The following SS18L1 variants were observed in gnomAD, a reference collection of about 807,000 sequenced individuals.
The protein encoded by SS18L1 is calcium-responsive transactivator.
Under a neutral mutation model 70.3 loss-of-function variants are expected in SS18L1, and 32 were observed. The observed-to-expected ratio is 0.46, with a 90% CI of 0.34 to 0.61. The LOEUF is 0.61. SS18L1 is among the 20% of genes least tolerant of loss of function. SS18L1 has a pLI of 0.01. For missense variants in SS18L1, 430 were observed against 542.1 expected, an observed-to-expected ratio of 0.79 and a Z score of 2.05; for synonymous variants, 237 against 229.7, an observed-to-expected ratio of 1.03 and a Z score of -0.29.
intron 3 of SS18L1, among the ~76,000 whole-genome samples, chr20:62,160,782 T>C (rs777973714): frequency 6.6e-6 from 1 of 152,104 alleles, no homozygotes; most frequent in Non-Finnish European, 1.5e-5. Context: ...CATTGACCTG[T>C]CAAATTGCAC....
chr20:62,154,509 CG>C (rs1441097669), intron 1 of SS18L1: 1 of 1,018,338 alleles, frequency 9.8e-7, no homozygotes. Context: ...GCCAGGCCAT[CG>C]GCCCCCCAGA....
rs1313861020 is a variant in SS18L1 at position 62,172,580 on chromosome 20, T to C, written c.917-102T>C. On this transcript the variant is annotated intron_variant, in intron 8 of 10. Transcript: ENST00000331758. ...AATAAACATGCCGAAGCAATGGATT[T>C]GGTTTTGGGATTCCAAAGTTACCGT... The C allele has an allele frequency of 3.2e-6, 5 of 1,554,002 alleles. No homozygotes were observed. The African/African-American group carries it at 5.4e-5, about 17-fold the overall frequency.
chr20:62,159,866 C>T lies in SS18L1; in HGVS notation c.147-11C>T, dbSNP rs1003206950. 3 of 1,611,664 alleles carry T rather than the reference C, an allele frequency of 1.9e-6. No individual in the cohort carries two copies. In the East Asian group the frequency reaches 6.7e-5, roughly 36 times the overall value. Reference sequence around the variant, plus strand: ...CGTCGTCCTGCCTCATGCGTGCCCCCTCTCCTGCAGGTACCAGCAGATCCT... The same window carrying T: ...CGTCGTCCTGCCTCATGCGTGCCCCTTCTCCTGCAGGTACCAGCAGATCCT... On this transcript the variant is annotated splice_polypyrimidine_tract_variant and intron_variant, in intron 2 of 10. Coordinates refer to ENST00000331758, the MANE Select transcript of SS18L1 (RefSeq NM_198935.3). The surrounding 1 kb of genome is among the most constrained non-coding windows in gnomAD (Gnocchi z 4.4).
At chr20:62,168,284 C>G (rs1185991087) in intron 8 of SS18L1, among the ~76,000 whole-genome samples, 1 of 152,146 alleles carries the variant, frequency 6.6e-6, no homozygotes, top group African/African-American at 2.4e-5. Flanking sequence ...TTGTTAGACT[C>G]TGACATGAGG....
At position 62,174,694 on chromosome 20, in the gene SS18L1, G is replaced by A. The variant is rs2057590415; in HGVS notation, c.1164+50G>A. The A allele has an allele frequency of 1.9e-6, 3 of 1,612,690 alleles. No homozygotes were observed. Among genetic ancestry groups the A allele is most frequent in the Non-Finnish European group, 2.5e-6 (3 of 1,179,904 alleles). ...TGTGCCCATCCGCCGCGCCTGTCGAGACATAATGAAGATTTCTCTTATGGC... is the reference window on the plus strand; with the variant it reads ...TGTGCCCATCCGCCGCGCCTGTCGAAACATAATGAAGATTTCTCTTATGGC... On this transcript the variant is annotated intron_variant, in intron 10 of 10. Transcript: ENST00000331758. This position sits in a 1 kb window ranked among gnomAD's most constrained non-coding sequence, Gnocchi z 4.1.
Position 62,165,509 on chromosome 20 carries a change from A to AG in SS18L1, c.916+1dup. 1 of 1,611,308 alleles carries AG rather than the reference A, an allele frequency of 6.2e-7. No homozygotes were observed. On this transcript the variant is annotated frameshift_variant, in exon 8 of 11. Coordinates refer to ENST00000331758, the MANE Select transcript of SS18L1 (RefSeq NM_198935.3). LOFTEE classifies it high-confidence loss of function. The stretch of plus-strand genomic sequence containing the variant: ...GAGGAGTCCACGCAGCACTACTATG[A>AG]GGGGGGTAAGGAGCACGGCTGCGTG...
chr20:62,168,424 T>C (rs909412074), intron 8 of SS18L1, among the ~76,000 whole-genome samples: 3 of 152,130 alleles, frequency 2.0e-5, no homozygotes, highest in Admixed American at 2.0e-4. Flanking sequence ...CAAACACAAC[T>C]GTGGCCCATG....
Position 62,174,614 on chromosome 20 carries a change from C to T in SS18L1, c.1134C>T (p.Ala378=). 4 of 1,613,666 alleles carry T rather than the reference C, an allele frequency of 2.5e-6. No homozygotes were observed. The highest frequency in any genetic ancestry group is 3.4e-6 in the Non-Finnish European group (4 of 1,180,030). Reference sequence around the variant, plus strand: ...GAGCACCGCAGACAGCGCCGTCTGCCCAGCAGCAGCGGCCCTACGGCTATG... The same window carrying T: ...GAGCACCGCAGACAGCGCCGTCTGCTCAGCAGCAGCGGCCCTACGGCTATG... The part of the protein sequence containing the change: ...SYRAPQTAPS[A]QQQRPYGYEQ... The change falls in exon 10 of 11, where the codon GCC becomes GCT. Residue 378 remains alanine (A), a synonymous_variant. Transcript: ENST00000331758. The surrounding 1 kb of genome is among the most constrained non-coding windows in gnomAD (Gnocchi z 4.1).
In SS18L1 at chr20:62,174,531, G is replaced by T. The variant is rs762691886; in HGVS notation, c.1051G>T (p.Ala351Ser). 1 of 1,614,044 alleles carries T rather than the reference G, an allele frequency of 6.2e-7. No homozygotes were observed. The highest frequency in any genetic ancestry group is 8.5e-7 in the Non-Finnish European group (1 of 1,180,008). Residue 351 changes from alanine to serine, a missense_variant, in exon 10 of 11, where the codon GCC (alanine) becomes TCC (serine). Transcript: ENST00000331758. The surrounding 1 kb of genome is among the most constrained non-coding windows in gnomAD (Gnocchi z 4.1). Reference sequence around the variant, plus strand: ...TGTCTTCTCAGGGTCTGCCCAGGGAGCCCCGTCACAGTACCCCGGCTACCA... The same window carrying T: ...TGTCTTCTCAGGGTCTGCCCAGGGATCCCCGTCACAGTACCCCGGCTACCA... ...QQQGYGSAQG[A>S]PSQYPGYQQG...
intron 1 of SS18L1, among the ~76,000 whole-genome samples, chr20:62,147,105 A>G (rs1030056285): frequency 6.6e-6 from 1 of 152,196 alleles, no homozygotes; most frequent in Non-Finnish European, 1.5e-5. Context: ...GGGCTATCCC[A>G]GAGAAAGAGA....
intron 8 of SS18L1, 106 bp downstream of exon 8, chr20:62,165,620 T>G: frequency 9.5e-7 from 1 of 1,051,558 alleles, no homozygotes; most frequent in Non-Finnish European, 1.4e-6. Flanking sequence ...AGTGAGTCCC[T>G]TAAATCACAG....
At chr20:62,170,873 T>G (rs1227329859) in intron 8 of SS18L1, among the ~76,000 whole-genome samples, 1 of 152,116 alleles carries the variant, frequency 6.6e-6, no homozygotes, top group East Asian at 1.9e-4. Flanking sequence ...CTGGCCCGTT[T>G]CCTACAAACT....
intron 10 of SS18L1, among the ~76,000 whole-genome samples, chr20:62,176,998 AC>A (rs1207352184): frequency 6.6e-6 from 1 of 151,994 alleles, no homozygotes; most frequent in East Asian, 1.9e-4. Context: ...TGTTTGCAGC[AC>A]CCCTGGCCTC....
chr20:62,154,463 A>G, intron 1 of SS18L1: 10 of 1,029,462 alleles, frequency 9.7e-6, no homozygotes, highest in Non-Finnish European at 1.2e-5. Context: ...GGAAACCTCC[A>G]TGGTGAGTTC....
intron 10 of SS18L1, among the ~76,000 whole-genome samples, chr20:62,178,354 T>C (rs544819816): frequency 6.6e-6 from 1 of 151,760 alleles, no homozygotes; most frequent in Non-Finnish European, 1.5e-5. Context: ...GGTTTCACCA[T>C]GTTGGCCAGG....
intron 1 of SS18L1, chr20:62,154,227 C>G (rs1439863212): frequency 1.4e-6 from 1 of 694,528 alleles, no homozygotes; most frequent in Admixed American, 6.0e-5. Flanking sequence ...ACCCTGGGAC[C>G]ATGTCTGTTG....
At chr20:62,167,509 G>A (rs1601037602) in intron 8 of SS18L1, among the ~76,000 whole-genome samples, 1 of 152,076 alleles carries the variant, frequency 6.6e-6, no homozygotes, top group Admixed American at 6.5e-5. Context: ...GCAGTGAGTT[G>A]AGATTGCACT....
chr20:62,167,045 T>G (rs963587905), intron 8 of SS18L1, among the ~76,000 whole-genome samples: 5 of 129,648 alleles, frequency 3.9e-5, no homozygotes, highest in Admixed American at 7.4e-5. Context: ...TTTGTTTGTT[T>G]TTTTTTTTTT....
chr20:62,148,347 TCGGTC>T (rs2057069814), intron 1 of SS18L1, among the ~76,000 whole-genome samples: 1 of 149,630 alleles, frequency 6.7e-6, no homozygotes, highest in African/African-American at 2.5e-5. Context: ...CTTGCTCTCT[TCGGTC>T]AGGTGAGGGA....
Sources: gnomAD v4.1 joint callset for allele counts (sites outside exome capture counted in the v4.1 genomes callset) on GRCh38, gnomAD v4.1.1 for gene constraint, Gnocchi (gnomAD v3.1) non-coding constraint, MANE v1.5 for transcripts, NCBI Gene and HGNC (gene_info 2026-07-23, HGNC 2026-07-21) for gene names.